The following LTBP2 variants were observed in gnomAD, a reference collection of about 807,000 sequenced individuals.
The protein encoded by LTBP2 is latent-transforming growth factor beta-binding protein 2.
Under a neutral mutation model 210.6 loss-of-function variants are expected in LTBP2, and 103 were observed. That is an observed-to-expected ratio of 0.49 (90% CI 0.42 to 0.58). The LOEUF is 0.58. LTBP2 is among the 20% of genes least tolerant of loss of function. The probability of loss-of-function intolerance (pLI) is 0.00; values close to 1 mark genes in which losing one functional copy is unlikely to be tolerated. For missense variants in LTBP2, 2,313 were observed against 2,494.5 expected, an observed-to-expected ratio of 0.93 and a Z score of 1.55; for synonymous variants, 1,007 against 1,015.0, an observed-to-expected ratio of 0.99 and a Z score of 0.15.
intron 3 of LTBP2, among the ~76,000 whole-genome samples, chr14:74,564,317 A>C (rs1191279537): frequency 2.4e-5 from 1 of 41,332 alleles, no homozygotes; most frequent in Non-Finnish European, 3.9e-5. Context: ...TTATATATAT[A>C]TTTATATATA....
rs992585108 is a variant in LTBP2 at position 74,508,839 on chromosome 14, C to T, written c.3517G>A (p.Val1173Met). Reference protein sequence around the residue: ...PQGFQLANGTVCEDVNECMGE... With the variant: ...PQGFQLANGTMCEDVNECMGE... ...GACCTGGGTCACTCACCCTCACACA[C>T]GGTGCCATTGGCCAGCTGGAAGCCC... is the stretch of plus-strand genomic sequence containing the variant. Residue 1173 changes from valine (V) to methionine (M), a missense_variant, in exon 23 of 36, where the codon GTG becomes ATG. By Grantham distance (21) the Val-to-Met change is conservative (BLOSUM62 1). Around this residue, in one of 3 missense-constraint regions of LTBP2, gnomAD observed 1,867 missense variants for 1,976.9 expected, o/e 0.94. Coordinates refer to ENST00000261978, the MANE Select transcript of LTBP2 (RefSeq NM_000428.3). 5.9e-5 allele frequency: 95 copies of T among 1,613,668 alleles called. No individual in the cohort carries two copies. Among genetic ancestry groups the T allele is most frequent in the Non-Finnish European group, 7.9e-5 (93 of 1,179,962 alleles).
chr14:74,552,048 G>A (rs1023692435), intron 6 of LTBP2, 139 bp downstream of exon 6: 5 of 795,422 alleles, frequency 6.3e-6, no homozygotes, highest in Non-Finnish European at 1.0e-5. Flanking sequence ...AGCGCTGAGG[G>A]CCAGGAGAAA....
chr14:74,608,005 C>T (rs1247845798), intron 1 of LTBP2, among the ~76,000 whole-genome samples: 1 of 151,504 alleles, frequency 6.6e-6, no homozygotes, highest in Non-Finnish European at 1.5e-5. Context: ...ACTGCAAGCT[C>T]CGCTTCCCGG....
Position 74,555,659 on chromosome 14 carries a change from G to A in LTBP2, c.865C>T (p.Gln289Ter). The A allele has an allele frequency of 1.9e-6, 3 of 1,570,924 alleles. No individual in the cohort carries two copies. Among genetic ancestry groups the A allele is most frequent in the Non-Finnish European group, 2.6e-6 (3 of 1,153,926 alleles). Reference sequence around the variant, plus strand: ...GTGCGGGACAACCCCACGTGCTGCTGGGAAGGGTGGGTCTGGCTGAGGCCA... The same window carrying A: ...GTGCGGGACAACCCCACGTGCTGCTAGGAAGGGTGGGTCTGGCTGAGGCCA... ...LSGLSQTHPS[Q>*]QHVGLSRTVR... is the part of the protein sequence containing the mutation. Residue 289 changes from glutamine (Q) to a stop codon, truncating the protein, a stop_gained, in exon 4 of 36, where the codon CAG becomes TAG. Transcript: ENST00000261978. LOFTEE classifies it high-confidence loss of function.
chr14:74,512,231 T>C (rs2087080895), intron 18 of LTBP2, among the ~76,000 whole-genome samples: 1 of 152,246 alleles, frequency 6.6e-6, no homozygotes, highest in Non-Finnish European at 1.5e-5. Flanking sequence ...GAGTCAGCAC[T>C]GCAGGAGGAC....
At chr14:74,609,757 C>G (rs1020224518) in intron 1 of LTBP2, among the ~76,000 whole-genome samples, 1 of 152,222 alleles carries the variant, frequency 6.6e-6, no homozygotes, top group Non-Finnish European at 1.5e-5. Context: ...TTAACAGGAA[C>G]CTTCCAGTAC....
At chr14:74,503,127 C>G in intron 33 of LTBP2, 92 bp downstream of exon 33, 1 of 1,570,880 alleles carries the variant, frequency 6.4e-7, no homozygotes, top group South Asian at 1.1e-5. Flanking sequence ...TGCTCTGCTC[C>G]TTCTTTCTAG....
chr14:74,540,613 A>G (rs1036147220), intron 8 of LTBP2, among the ~76,000 whole-genome samples: 5 of 148,956 alleles, frequency 3.4e-5, no homozygotes, highest in Middle Eastern at 3.4e-3. Flanking sequence ...AAAATACAAA[A>G]AATTAGCGGG....
Position 74,552,452 on chromosome 14 carries a change from G to T in LTBP2, c.1193-59C>A. 2.7e-6 allele frequency: 4 copies of T among 1,505,258 alleles called. 1 individual carries two copies. The South Asian group carries it at 4.5e-5, about 17-fold the overall frequency. The allele number at this position is 1,505,258 out of a possible 1,614,324, so 93.2% of individuals were successfully genotyped here. ...GAAGAACAGCAGCACCCGCTCTGTG[G>T]CTGGTGACCACCACAGAGAAACAGG... is the stretch of plus-strand genomic sequence containing the variant. On this transcript the variant is annotated intron_variant, in intron 5 of 35. Coordinates refer to ENST00000261978, the MANE Select transcript of LTBP2 (RefSeq NM_000428.3).
chr14:74,519,813 G>A (rs1223193090), intron 17 of LTBP2, among the ~76,000 whole-genome samples: 1 of 152,216 alleles, frequency 6.6e-6, no homozygotes, highest in Non-Finnish European at 1.5e-5. Flanking sequence ...TGCAGCAGCT[G>A]CTGCTTATCC....
In LTBP2 at chr14:74,603,641, T is replaced by A; in HGVS notation, c.559A>T (p.Ile187Phe). ...WTTANSTNHCIKPVCEPPCQN... is the reference protein window; with the variant it reads ...WTTANSTNHCFKPVCEPPCQN... ...TACTGGTGGAGGCACTCACGTTTGA[T>A]ACAGTGGTTGGTGCTGTTTGCTGTT... The change falls in exon 2 of 36, where the codon ATC becomes TTC. Residue 187 changes from isoleucine (I) to phenylalanine (F), a missense_variant. Ile to Phe is a conservative substitution (Grantham distance 21, BLOSUM62 0). This residue lies in a region of LTBP2 where 1,867 missense variants were observed against 1,976.9 expected (regional missense o/e 0.94). Transcript: ENST00000261978. 1 of 1,614,194 alleles carries A rather than the reference T, an allele frequency of 6.2e-7. No homozygotes were observed. Among genetic ancestry groups the A allele is most frequent in the Admixed American group, 1.7e-5 (1 of 60,026 alleles).
rs143943164 is a variant in LTBP2, at chr14:74,596,363, C to G, written c.565+7272G>C. Among the ~76,000 whole-genome samples, 1,027 of 152,280 alleles carry G rather than the reference C, an allele frequency of 6.7e-3. 14 individuals are homozygous for G. Among genetic ancestry groups the G allele is most frequent in the African/African-American group, 0.024 (986 of 41,534 alleles). ...AGAAGAACAAGGCCGGTGGGGGCCA[C>G]TCAAGCAAGAGTGGCCAGGGCAGCC... On this transcript the variant is annotated intron_variant, in intron 2 of 35. Coordinates refer to ENST00000261978, the MANE Select transcript of LTBP2 (RefSeq NM_000428.3).
In LTBP2 at chr14:74,579,204, C is replaced by T. The variant is rs116047238; in HGVS notation, c.830+6650G>A. 9.4e-3 allele frequency among the ~76,000 whole-genome samples: 1,432 copies of T among 152,304 alleles called. 26 individuals are homozygous for T. The highest frequency in any genetic ancestry group is 0.033 in the African/African-American group (1,376 of 41,552). ...GCCTCGTCACTGGGAAAACCCCTTG[C>T]CATTTTGTCAACCAGGGGGTGCTGC... On this transcript the variant is annotated intron_variant, in intron 3 of 35. Transcript: ENST00000261978.
intron 8 of LTBP2, among the ~76,000 whole-genome samples, chr14:74,539,793 G>C (rs2139731454): frequency 6.6e-6 from 1 of 152,310 alleles, no homozygotes; most frequent in Non-Finnish European, 1.5e-5. Flanking sequence ...TTGGATGAGA[G>C]CAGGAAGCAA....
intron 3 of LTBP2, among the ~76,000 whole-genome samples, chr14:74,584,585 T>C (rs1223127725): frequency 6.6e-6 from 1 of 152,132 alleles, no homozygotes; most frequent in African/African-American, 2.4e-5. Flanking sequence ...CAGGCCCTCA[T>C]TGTTATCCAC....
At chr14:74,552,854 G>A (rs2087678834) in intron 5 of LTBP2, 38 bp downstream of exon 5, 4 of 1,596,008 alleles carry the variant, frequency 2.5e-6, no homozygotes, top group Non-Finnish European at 3.4e-6. Flanking sequence ...TACCCTCCAG[G>A]GCCAGCTGGG....
chr14:74,606,878 C>A (rs2088534874), intron 1 of LTBP2, among the ~76,000 whole-genome samples: 1 of 151,970 alleles, frequency 6.6e-6, no homozygotes. Flanking sequence ...AACCCACCTC[C>A]TCTGACATCT....
intron 11 of LTBP2, 38 bp downstream of exon 11, chr14:74,528,920 C>T: frequency 6.2e-7 from 1 of 1,605,874 alleles, no homozygotes; most frequent in African/African-American, 1.3e-5. Flanking sequence ...GCCTTGAGCC[C>T]CTGGGCAGTG....
In LTBP2 at chr14:74,519,822, C is replaced by A. The variant is rs1378919867; in HGVS notation, c.2788+2089G>T. Among the ~76,000 whole-genome samples, 2 of 152,216 alleles carry A rather than the reference C, an allele frequency of 1.3e-5. 1 individual carries two copies. Among genetic ancestry groups the A allele is most frequent in the Admixed American group, 1.3e-4 (2 of 15,288 alleles). On this transcript the variant is annotated intron_variant, in intron 17 of 35. Transcript: ENST00000261978. ...ATTCTCTGCAGCAGCTGCTGCTTAT[C>A]CCAGGCCAGCTCCCCAGGCTGGGTC...
Sources: allele counts gnomAD v4.1 joint callset (sites outside exome capture counted in the v4.1 genomes callset), GRCh38; gene constraint gnomAD v4.1.1; regional missense constraint gnomAD v4.1.1; transcripts MANE v1.5; gene names NCBI Gene and HGNC (gene_info 2026-07-23, HGNC 2026-07-21).